Variants in CSMD1 observed in about 807,000 individuals in gnomAD.
CSMD1 encodes CUB and sushi domain-containing protein 1.
A neutral mutation model predicts 417.5 loss-of-function variants in CSMD1; 213 were observed. That is an observed-to-expected ratio of 0.51 (90% CI 0.46 to 0.57). The LOEUF is 0.57. Among genes scored for constraint, CSMD1 ranks in the 20% least tolerant of loss-of-function variants. The pLI, the probability that CSMD1 is intolerant of heterozygous loss-of-function variation, is 0.00. For missense variants in CSMD1, 6,923 were observed against 4,529.7 expected (o/e 1.53, Z -15.17); for synonymous variants, 2,862 against 1,736.8 (o/e 1.65, Z -16.11).
chr8:4,983,299 A>G, intron 1 of CSMD1, among the ~76,000 whole-genome samples: 1 of 152,208 alleles, frequency 6.6e-6, no homozygotes, highest in South Asian at 2.1e-4. Context: ...TTTTCACAAA[A>G]TGTTGATGAC....
At chr8:2,972,733 A>G (rs1019628993) in intron 57 of CSMD1, among the ~76,000 whole-genome samples, 3 of 152,186 alleles carry the variant, frequency 2.0e-5, no homozygotes, top group African/African-American at 4.8e-5. Flanking sequence ...GTGTGAAGGA[A>G]GCCTGCTTCC....
intron 4 of CSMD1, among the ~76,000 whole-genome samples, chr8:4,027,562 T>C (rs1797126782): frequency 1.3e-5 from 2 of 152,224 alleles, no homozygotes; most frequent in Admixed American, 6.5e-5. Flanking sequence ...GTGCCTTCCA[T>C]CATAACTGCA....
At chr8:4,220,516 G>T (rs949359597) in intron 3 of CSMD1, among the ~76,000 whole-genome samples, 1 of 152,176 alleles carries the variant, frequency 6.6e-6, no homozygotes, top group African/African-American at 2.4e-5. Context: ...TAATCCTAGT[G>T]CAAGAGTGGA....
intron 1 of CSMD1, among the ~76,000 whole-genome samples, chr8:4,707,620 C>T (rs1261239890): frequency 6.6e-6 from 1 of 151,958 alleles, no homozygotes; most frequent in Non-Finnish European, 1.5e-5. Flanking sequence ...GCCATGATGG[C>T]TCACTCCTGT....
Position 4,531,827 on chromosome 8 carries a change from T to G in CSMD1, c.302+105515A>C, listed in dbSNP as rs1381781157. On this transcript the variant is annotated intron_variant, in intron 2 of 69. Coordinates refer to ENST00000635120, the MANE Select transcript of CSMD1 (RefSeq NM_033225.6). ...ACCATCATAATCCCTTTTCAGAAAC[T>G]TTTATCACTTTGAAAAGAAATCCTG... 7.9e-5 allele frequency among the ~76,000 whole-genome samples: 12 copies of G among 152,350 alleles called. No individual in the cohort carries two copies. The East Asian group carries it at 2.1e-3, about 27-fold the overall frequency.
chr8:4,057,889 C>G (rs1798778780), intron 3 of CSMD1, among the ~76,000 whole-genome samples: 1 of 152,066 alleles, frequency 6.6e-6, no homozygotes, highest in African/African-American at 2.4e-5. Flanking sequence ...TTCCATTGAT[C>G]TATATCTCTG....
At chr8:4,155,825 A>G (rs1796805309) in intron 3 of CSMD1, among the ~76,000 whole-genome samples, 1 of 152,192 alleles carries the variant, frequency 6.6e-6, no homozygotes. Flanking sequence ...TGCAAAGTCA[A>G]TTAAATCCTC....
chr8:3,944,770 T>C (rs977681276), intron 5 of CSMD1, among the ~76,000 whole-genome samples: 22 of 152,186 alleles, frequency 1.4e-4, no homozygotes, highest in South Asian at 2.1e-4. Context: ...AACTCTTTTC[T>C]TACAAATACC....
At chr8:3,596,229 C>T (rs1384191) in intron 8 of CSMD1, among the ~76,000 whole-genome samples, 4,893 of 152,234 alleles carry the variant, frequency 0.032, 131 homozygotes, top group Non-Finnish European at 0.051. Context: ...CCTGCACCAC[C>T]GTCCAGCTCA....
rs60276349 is a variant in CSMD1, at chr8:3,433,249, T to C, written c.1562-23644A>G. 8.1e-3 allele frequency among the ~76,000 whole-genome samples: 1,239 copies of C among 152,308 alleles called. 18 individuals are homozygous for C. The highest frequency in any genetic ancestry group is 0.027 in the African/African-American group (1,136 of 41,570). Reference sequence around the variant, plus strand: ...ATAGAGATGTAGTTACTTTTCTGTTTCTTCAAAATTCTTCTAACTTATCTC... The same window carrying C: ...ATAGAGATGTAGTTACTTTTCTGTTCCTTCAAAATTCTTCTAACTTATCTC... On this transcript the variant is annotated intron_variant, in intron 12 of 69. Coordinates refer to ENST00000635120, the MANE Select transcript of CSMD1 (RefSeq NM_033225.6).
At chr8:4,262,189 T>C (rs1419870289) in intron 3 of CSMD1, among the ~76,000 whole-genome samples, 2 of 152,210 alleles carry the variant, frequency 1.3e-5, no homozygotes, top group Non-Finnish European at 2.9e-5. Flanking sequence ...TTGACTCTCT[T>C]GGGTGAATTT....
At chr8:3,644,580 T>C (rs769499063) in intron 7 of CSMD1, among the ~76,000 whole-genome samples, 6 of 152,090 alleles carry the variant, frequency 3.9e-5, no homozygotes, top group Admixed American at 1.3e-4. Context: ...ATCTGAAGGA[T>C]TGCAGAGCTG....
At chr8:4,160,670 G>T (rs934263098) in intron 3 of CSMD1, among the ~76,000 whole-genome samples, 2 of 152,200 alleles carry the variant, frequency 1.3e-5, no homozygotes, top group African/African-American at 4.8e-5. Context: ...ACAGACACAT[G>T]TCCACGCAAT....
chr8:3,959,849 T>C lies in CSMD1; in HGVS notation c.818+38054A>G, dbSNP rs966748782. Among the ~76,000 whole-genome samples the C allele has an allele frequency of 1.1e-3, 169 of 152,308 alleles. 1 individual carries two copies. Among genetic ancestry groups the C allele is most frequent in the South Asian group, 8.3e-4 (4 of 4,820 alleles). On this transcript the variant is annotated intron_variant, in intron 5 of 69. Transcript: ENST00000635120. ...ACACCAAGTGATGTAGAGAAAAACT[T>C]TCTATATTGTGAGGTATATAACGTG...
intron 3 of CSMD1, among the ~76,000 whole-genome samples, chr8:4,198,343 G>C (rs979161566): frequency 1.9e-4 from 29 of 152,246 alleles, no homozygotes; most frequent in Non-Finnish European, 7.3e-5. Flanking sequence ...TGGTGGACCT[G>C]TGTGCTAAGC....
intron 6 of CSMD1, among the ~76,000 whole-genome samples, chr8:3,730,939 G>C (rs1319256587): frequency 6.6e-6 from 1 of 152,144 alleles, no homozygotes; most frequent in Admixed American, 6.5e-5. Context: ...GCCAAAGGTT[G>C]CTTTTGTAAA....
At chr8:4,102,729 A>G (rs1801369686) in intron 3 of CSMD1, among the ~76,000 whole-genome samples, 1 of 152,214 alleles carries the variant, frequency 6.6e-6, no homozygotes, top group East Asian at 1.9e-4. Flanking sequence ...ATTTTAGACA[A>G]GATATTGGAA....
At chr8:4,475,091 C>T (rs1221853185) in intron 2 of CSMD1, among the ~76,000 whole-genome samples, 3 of 152,028 alleles carry the variant, frequency 2.0e-5, no homozygotes, top group South Asian at 2.1e-4. Context: ...TATTTTTAAG[C>T]ATTTGAAAAA....
At chr8:4,417,402 A>G (rs777819205) in intron 3 of CSMD1, among the ~76,000 whole-genome samples, 1 of 152,002 alleles carries the variant, frequency 6.6e-6, no homozygotes, top group Non-Finnish European at 1.5e-5. Context: ...CAAGGTTATC[A>G]TGTTTACATA....
Sources: gnomAD v4.1 joint callset for allele counts (sites outside exome capture counted in the v4.1 genomes callset) on GRCh38, gnomAD v4.1.1 for gene constraint, MANE v1.5 for transcripts, NCBI Gene and HGNC (gene_info 2026-07-23, HGNC 2026-07-21) for gene names.